Variants in AMBRA1 observed in about 807,000 individuals in gnomAD.
The protein encoded by AMBRA1 is autophagy and beclin 1 regulator 1, also known as activating molecule in BECN1-regulated autophagy protein 1.
Under a neutral mutation model 125.4 loss-of-function variants are expected in AMBRA1, and 47 were observed. The observed-to-expected ratio is 0.37, with a 90% CI of 0.30 to 0.48. The LOEUF (loss-of-function observed/expected upper bound fraction) is 0.48. Among genes scored for constraint, AMBRA1 ranks in the 20% least tolerant of loss-of-function variants. The pLI, the probability that AMBRA1 is intolerant of heterozygous loss-of-function variation, is 0.99. For synonymous variants in AMBRA1, 626 were observed against 655.5 expected (o/e 0.95, Z 0.69); for missense variants, 1,331 against 1,693.4 (o/e 0.79, Z 3.76).
Position 46,562,661 on chromosome 11 carries a change from G to A in AMBRA1, c.-120-14161C>T, listed in dbSNP as rs181228647. 1.7e-3 allele frequency among the ~76,000 whole-genome samples: 264 copies of A among 152,206 alleles called. 4 individuals carry two copies. Among genetic ancestry groups the A allele is most frequent in the Non-Finnish European group, 1.2e-3 (79 of 67,998 alleles). Reference sequence around the variant, plus strand: ...ATATGTGTTATGTTTGCGGGTGGGGGAGCAGATTAAAGGGATAAATCAATA... The same window carrying A: ...ATATGTGTTATGTTTGCGGGTGGGGAAGCAGATTAAAGGGATAAATCAATA... On this transcript the variant is annotated intron_variant, in intron 1 of 17. Coordinates refer to ENST00000683756, the MANE Select transcript of AMBRA1 (RefSeq NM_001387011.1).
chr11:46,402,742 A>G (rs964920971), intron 17 of AMBRA1, among the ~76,000 whole-genome samples: 3 of 152,238 alleles, frequency 2.0e-5, no homozygotes, highest in Non-Finnish European at 2.9e-5. Context: ...TTCCCTCCAC[A>G]GTGCCCTTGA....
intron 14 of AMBRA1, 117 bp from the exon 15 acceptor site, chr11:46,418,169 G>T: frequency 1.2e-6 from 1 of 863,006 alleles, no homozygotes; most frequent in Non-Finnish European, 1.5e-6. Context: ...GTTAGGCTGG[G>T]AACAGGATGA....
intron 9 of AMBRA1, among the ~76,000 whole-genome samples, chr11:46,506,651 C>T (rs1405791134): frequency 6.6e-6 from 1 of 152,162 alleles, no homozygotes; most frequent in Non-Finnish European, 1.5e-5. Context: ...TGTCCTCTTT[C>T]ACAAATGCCA....
intron 14 of AMBRA1, among the ~76,000 whole-genome samples, chr11:46,421,751 G>A (rs1946859376): frequency 6.6e-6 from 1 of 152,200 alleles, no homozygotes; most frequent in African/African-American, 2.4e-5. Flanking sequence ...AAGTTTCTCA[G>A]TACTGACAGA....
chr11:46,568,419 T>C (rs1174378093), intron 1 of AMBRA1, among the ~76,000 whole-genome samples: 1 of 151,334 alleles, frequency 6.6e-6, no homozygotes, highest in African/African-American at 2.4e-5. Flanking sequence ...GATCATGCCA[T>C]TGCACTCCAG....
chr11:46,406,599 G>A (rs1437604009), intron 17 of AMBRA1, among the ~76,000 whole-genome samples: 2 of 152,054 alleles, frequency 1.3e-5, no homozygotes, highest in East Asian at 3.9e-4. Context: ...ATAAGGGGCT[G>A]GCTAGGTATG....
At position 46,543,099 on chromosome 11, in the gene AMBRA1, C is replaced by T; in HGVS notation, c.918G>A (p.Gly306=). The T allele has an allele frequency of 6.3e-7, 1 of 1,586,088 alleles. No individual in the cohort carries two copies. The highest frequency in any genetic ancestry group is 8.5e-7 in the Non-Finnish European group (1 of 1,173,082). The part of the protein sequence containing the change: ...YPTAECCQHL[G]ILCLCSRCSG... The stretch of plus-strand genomic sequence containing the variant: ...AGCAGCGGCTGCAAAGGCACAGGAT[C>T]CCAAGGTGCTGGCAGCACTCAGCTG... The change falls in exon 7 of 18, where the codon GGG becomes GGA. Residue 306 remains glycine (G), a synonymous_variant. Coordinates refer to ENST00000683756, the MANE Select transcript of AMBRA1 (RefSeq NM_001387011.1).
chr11:46,591,682 C>A (rs1178936817), intron 1 of AMBRA1, among the ~76,000 whole-genome samples: 1 of 151,914 alleles, frequency 6.6e-6, no homozygotes, highest in Non-Finnish European at 1.5e-5. Flanking sequence ...TGGTAAAACA[C>A]CATCTCTACT....
chr11:46,403,752 C>T (rs1945872678), intron 17 of AMBRA1, among the ~76,000 whole-genome samples: 1 of 152,138 alleles, frequency 6.6e-6, no homozygotes, highest in Non-Finnish European at 1.5e-5. Context: ...CTGGAAAGAG[C>T]TGAATGGATT....
At chr11:46,448,850 T>G (rs1317739365) in intron 11 of AMBRA1, among the ~76,000 whole-genome samples, 1 of 152,138 alleles carries the variant, frequency 6.6e-6, no homozygotes, top group Non-Finnish European at 1.5e-5. Flanking sequence ...CTACATGCAA[T>G]GGACTAACTT....
At chr11:46,430,768 G>T (rs1160012272) in intron 14 of AMBRA1, among the ~76,000 whole-genome samples, 1 of 152,146 alleles carries the variant, frequency 6.6e-6, no homozygotes, top group Non-Finnish European at 1.5e-5. Context: ...AATTCCAAGA[G>T]GTAACACCAG....
chr11:46,499,074 A>G (rs973994996), intron 9 of AMBRA1, among the ~76,000 whole-genome samples: 1 of 152,238 alleles, frequency 6.6e-6, no homozygotes, highest in African/African-American at 2.4e-5. Flanking sequence ...TTCATAGGGA[A>G]TAGCTAATAG....
At chr11:46,465,080 A>G (rs1478950980) in intron 11 of AMBRA1, among the ~76,000 whole-genome samples, 1 of 152,092 alleles carries the variant, frequency 6.6e-6, no homozygotes, top group Non-Finnish European at 1.5e-5. Context: ...AATAAACACC[A>G]AGACAATATT....
chr11:46,482,348 C>T (rs978926355), intron 11 of AMBRA1, among the ~76,000 whole-genome samples: 10 of 152,130 alleles, frequency 6.6e-5, no homozygotes, highest in African/African-American at 1.9e-4. Context: ...GGAGTGACTG[C>T]GGATATTTCC....
intron 9 of AMBRA1, among the ~76,000 whole-genome samples, chr11:46,507,387 G>A (rs1387704112): frequency 6.6e-6 from 1 of 151,078 alleles, no homozygotes; most frequent in Admixed American, 6.6e-5. Context: ...GCTGAGGCAG[G>A]AGAATGGCGT....
intron 17 of AMBRA1, among the ~76,000 whole-genome samples, chr11:46,398,711 C>A (rs1945573453): frequency 6.6e-6 from 1 of 152,120 alleles, no homozygotes; most frequent in African/African-American, 2.4e-5. Context: ...CTCCTGATCT[C>A]GTGATCTGCC....
In AMBRA1 at chr11:46,415,712, C is replaced by T. The variant is rs534497599; in HGVS notation, c.3116+2201G>A. On this transcript the variant is annotated intron_variant, in intron 15 of 17. Coordinates refer to ENST00000683756, the MANE Select transcript of AMBRA1 (RefSeq NM_001387011.1). ...GATGGGCTAAACTAGTTTTCTTAGT[C>T]CAACACAACTTGGTCTGTGACAGGA... Among the ~76,000 whole-genome samples, 13 of 152,286 alleles carry T rather than the reference C, an allele frequency of 8.5e-5. No individual in the cohort carries two copies. In the South Asian group the frequency reaches 2.7e-3, roughly 32 times the overall value.
chr11:46,503,746 G>C (rs1490691364), intron 9 of AMBRA1, among the ~76,000 whole-genome samples: 1 of 152,188 alleles, frequency 6.6e-6, no homozygotes, highest in African/African-American at 2.4e-5. Context: ...GACCTAAAGA[G>C]AATTCATCTT....
chr11:46,405,082 T>C (rs1945943732), intron 17 of AMBRA1, among the ~76,000 whole-genome samples: 2 of 152,156 alleles, frequency 1.3e-5, no homozygotes, highest in South Asian at 4.1e-4. Context: ...TAGTGGTCCT[T>C]TATGCAGTAA....
Sources: gnomAD v4.1 joint callset for allele counts (sites outside exome capture counted in the v4.1 genomes callset) on GRCh38, gnomAD v4.1.1 for gene constraint, MANE v1.5 for transcripts, NCBI Gene and HGNC (gene_info 2026-07-23, HGNC 2026-07-21) for gene names.